KCNN2: variants seen among roughly 807,000 people sequenced by gnomAD.
KCNN2 encodes potassium calcium-activated channel subfamily N member 2, also known as small conductance calcium-activated potassium channel protein 2.
KCNN2 carries 24 observed loss-of-function variants against 55.5 expected under a neutral mutation model. The observed-to-expected ratio is 0.43, with a 90% CI of 0.31 to 0.61. The LOEUF is 0.61. Ranked by LOEUF, KCNN2 falls within the 20% of genes least tolerant of loss-of-function variation. The probability of loss-of-function intolerance (pLI) is 0.08; values close to 1 mark genes in which losing one functional copy is unlikely to be tolerated. For missense variants in KCNN2, 754 were observed against 853.6 expected (o/e 0.88, Z 1.45); for synonymous variants, 431 against 336.1 (o/e 1.28, Z -3.09).
At chr5:114,222,686 A>G (rs1396943178) in intron 2 of KCNN2, among the ~76,000 whole-genome samples, 2 of 152,208 alleles carry the variant, frequency 1.3e-5, no homozygotes, top group Non-Finnish European at 2.9e-5. Context: ...TGTTTTTACC[A>G]TAAGACAGTG....
intron 1 of KCNN2, among the ~76,000 whole-genome samples, chr5:114,220,224 G>A (rs900487727): frequency 1.3e-5 from 2 of 152,094 alleles, no homozygotes; most frequent in Non-Finnish European, 2.9e-5. Flanking sequence ...TTAGAAATGT[G>A]TATTTCAAAC....
chr5:114,378,321 T>C (rs1332245689), intron 2 of KCNN2, among the ~76,000 whole-genome samples: 1 of 152,212 alleles, frequency 6.6e-6, no homozygotes, highest in Non-Finnish European at 1.5e-5. Flanking sequence ...TCTGGTCCTT[T>C]ACAGAAAAAG....
intron 3 of KCNN2, among the ~76,000 whole-genome samples, chr5:114,420,648 A>G (rs1759446341): frequency 6.6e-6 from 1 of 152,242 alleles, no homozygotes. Flanking sequence ...AGACGCTATA[A>G]TTTGTCTAAG....
chr5:114,393,272 G>A (rs1050779253), intron 2 of KCNN2, among the ~76,000 whole-genome samples: 4 of 152,150 alleles, frequency 2.6e-5, no homozygotes, highest in Non-Finnish European at 5.9e-5. Context: ...GGTTAACCAA[G>A]ACATCTTATT....
At chr5:114,097,915 A>T (rs778290859) in intron 1 of KCNN2, among the ~76,000 whole-genome samples, 1 of 152,260 alleles carries the variant, frequency 6.6e-6, no homozygotes, top group Non-Finnish European at 1.5e-5. Context: ...GTGACAAATT[A>T]CCACAAACAT....
At chr5:114,215,014 T>C (rs917612670) in intron 1 of KCNN2, among the ~76,000 whole-genome samples, 2 of 152,158 alleles carry the variant, frequency 1.3e-5, no homozygotes, top group Non-Finnish European at 1.5e-5. Flanking sequence ...AATTGTTTAC[T>C]TGTTACCTCC....
At chr5:114,403,136 T>A (rs563110549) in intron 2 of KCNN2, among the ~76,000 whole-genome samples, 1 of 152,298 alleles carries the variant, frequency 6.6e-6, no homozygotes, top group Admixed American at 6.5e-5. Context: ...GAGTTTGTAT[T>A]GTTGTCCAAA....
intron 4 of KCNN2, among the ~76,000 whole-genome samples, chr5:114,464,229 A>G (rs1158009182): frequency 6.6e-6 from 1 of 152,152 alleles, no homozygotes; most frequent in East Asian, 1.9e-4. Context: ...GAACTTCTAA[A>G]TATTTAAGCC....
chr5:114,190,297 A>C lies in KCNN2; in HGVS notation c.-270-31183A>C, dbSNP rs144714346. On this transcript the variant is annotated intron_variant, in intron 1 of 10. Coordinates refer to the KCNN2 transcript ENST00000512097. ...CTGCTCTTGTGCTTACAATAACCAA[A>C]AATAGAAAGCAACCTAAATTTACCA... Among the ~76,000 whole-genome samples the C allele has an allele frequency of 2.8e-3, 431 of 152,268 alleles. 2 individuals carry two copies. The highest frequency in any genetic ancestry group is 9.9e-3 in the African/African-American group (413 of 41,584).
At chr5:114,417,631 T>C (rs1431453857) in intron 3 of KCNN2, among the ~76,000 whole-genome samples, 1 of 152,128 alleles carries the variant, frequency 6.6e-6, no homozygotes, top group Non-Finnish European at 1.5e-5. Flanking sequence ...GTAAAAGGGA[T>C]GAAGGTGCCA....
At chr5:114,158,063 C>T (rs1363876367) in intron 1 of KCNN2, among the ~76,000 whole-genome samples, 1 of 152,168 alleles carries the variant, frequency 6.6e-6, no homozygotes, top group Non-Finnish European at 1.5e-5. Context: ...GTGTTTTAGA[C>T]ATGAAGTCCT....
intron 4 of KCNN2, among the ~76,000 whole-genome samples, chr5:114,470,722 C>T (rs1761689993): frequency 6.6e-6 from 1 of 152,162 alleles, no homozygotes; most frequent in South Asian, 2.1e-4. Context: ...ATCGTGTCTT[C>T]ATAAGTCAGT....
chr5:114,438,215 T>C (rs1272078156), intron 3 of KCNN2, among the ~76,000 whole-genome samples: 5 of 152,162 alleles, frequency 3.3e-5, no homozygotes, highest in African/African-American at 9.7e-5. Flanking sequence ...ATTTACAGTT[T>C]GAAATGTAGG....
chr5:114,433,845 C>G (rs1338971366), intron 3 of KCNN2: 1 of 154,522 alleles, frequency 6.5e-6, no homozygotes, highest in Non-Finnish European at 1.4e-5. Context: ...ACGGCGCCAC[C>G]TTAAGAGCTG....
chr5:114,217,101 A>T lies in KCNN2; in HGVS notation c.-270-4379A>T, dbSNP rs529596504. ...GAAAGCTACAAAACTTTGATGAAAG[A>T]AATCAAATAACTAAATAAATGGAGA... On this transcript the variant is annotated intron_variant, in intron 1 of 10. Coordinates refer to the KCNN2 transcript ENST00000512097. Among the ~76,000 whole-genome samples, 413 of 152,248 alleles carry T rather than the reference A, an allele frequency of 2.7e-3. 1 individual carries two copies. The highest frequency in any genetic ancestry group is 4.3e-3 in the Non-Finnish European group (293 of 67,968).
At chr5:114,154,124 C>G (rs1352944179) in intron 1 of KCNN2, among the ~76,000 whole-genome samples, 1 of 152,096 alleles carries the variant, frequency 6.6e-6, no homozygotes, top group Non-Finnish European at 1.5e-5. Context: ...TTACTCCAGT[C>G]TGAGGGTGCC....
At chr5:114,107,090 T>A (rs1399529016) in intron 1 of KCNN2, among the ~76,000 whole-genome samples, 1 of 152,120 alleles carries the variant, frequency 6.6e-6, no homozygotes, top group Non-Finnish European at 1.5e-5. Context: ...GTCAAGGTTT[T>A]TAAAAAATTT....
intron 1 of KCNN2, among the ~76,000 whole-genome samples, chr5:114,192,871 C>T (rs1753479055): frequency 1.3e-5 from 2 of 152,038 alleles, no homozygotes; most frequent in African/African-American, 4.8e-5. Context: ...CCCAGCCTTC[C>T]TCTTCATGTC....
At chr5:114,202,866 G>A (rs569171401) in intron 1 of KCNN2, among the ~76,000 whole-genome samples, 3 of 152,214 alleles carry the variant, frequency 2.0e-5, no homozygotes, top group African/African-American at 2.4e-5. Flanking sequence ...GATTACAGGC[G>A]TGAGCCACCG....
Sources: gnomAD v4.1 joint callset for allele counts (sites outside exome capture counted in the v4.1 genomes callset) on GRCh38, gnomAD v4.1.1 for gene constraint, MANE v1.5 for transcripts, NCBI Gene and HGNC (gene_info 2026-07-23, HGNC 2026-07-21) for gene names.